Variants in MAP3K20 observed in about 807,000 individuals in gnomAD.
The protein encoded by MAP3K20 is mitogen-activated protein kinase kinase kinase 20.
Under a neutral mutation model 85.7 loss-of-function variants are expected in MAP3K20, and 40 were observed. The ratio of observed to expected loss-of-function variants is 0.47; its 90% CI spans 0.36 to 0.61. MAP3K20 has a LOEUF of 0.61. Ranked by LOEUF, MAP3K20 falls within the 20% of genes least tolerant of loss-of-function variation. MAP3K20 has a pLI of 0.00. For synonymous variants in MAP3K20, 325 were observed against 327.7 expected (o/e 0.99, Z 0.09); for missense variants, 817 against 961.7 (o/e 0.85, Z 1.99).
rs11690597 is a variant in MAP3K20, at chr2:173,221,013, A to G, written c.987+3763A>G. ...AATCTGCCATTAAATAAATTCTCACATAATTCCCTACATTCATTTATTTCA... is the reference window on the plus strand; with the variant it reads ...AATCTGCCATTAAATAAATTCTCACGTAATTCCCTACATTCATTTATTTCA... On this transcript the variant is annotated intron_variant, in intron 11 of 19. Transcript: ENST00000375213. The G allele has an allele frequency of 0.2, 132,175 of 660,528 alleles. 13,779 individuals are homozygous for G. The highest frequency in any genetic ancestry group is 0.31 in the South Asian group (4,230 of 13,454). The allele number at this position is 660,528 out of a possible 1,614,324, so 40.9% of individuals were successfully genotyped here.
rs1232885242 is a variant in MAP3K20 at position 173,267,229 on chromosome 2, A to T, written c.*479A>T. 6.6e-6 allele frequency: 1 copy of T among 152,176 alleles called. No individual in the cohort carries two copies. The highest frequency in any genetic ancestry group is 1.9e-4 in the East Asian group (1 of 5,202). 9.4% of individuals were successfully genotyped at this position (152,176 alleles called of 1,614,324 possible). On this transcript the variant is annotated 3_prime_UTR_variant, in exon 20 of 20. Transcript: ENST00000375213. Reference sequence around the variant, plus strand: ...ATATTTTGTTCATCATAATTTTTGCATTTATTTTTTTAAATATTGCATTAA... The same window carrying T: ...ATATTTTGTTCATCATAATTTTTGCTTTTATTTTTTTAAATATTGCATTAA...
chr2:173,146,125 G>T (rs545542342), intron 2 of MAP3K20, among the ~76,000 whole-genome samples: 1 of 151,998 alleles, frequency 6.6e-6, no homozygotes, highest in African/African-American at 2.4e-5. Flanking sequence ...TCATACATAG[G>T]TGCATATATT....
intron 2 of MAP3K20, among the ~76,000 whole-genome samples, chr2:173,118,474 T>G (rs1688186682): frequency 6.6e-6 from 1 of 151,904 alleles, no homozygotes; most frequent in African/African-American, 2.4e-5. Flanking sequence ...TTTGGTTTTT[T>G]GAGGGGGGTG....
At chr2:173,091,826 C>T (rs545711255) in intron 2 of MAP3K20, among the ~76,000 whole-genome samples, 49 of 152,248 alleles carry the variant, frequency 3.2e-4, no homozygotes, top group Non-Finnish European at 5.9e-4. Flanking sequence ...TTAGAACTGT[C>T]ATCCTTCTCA....
rs73021619 is a variant in MAP3K20 at position 173,076,013 on chromosome 2, G to A, written c.-35+11G>A. ...CCGCCCGGGAGCCAGGTAGGGGTCAGGCTGGAGCCCGCGGAGGGCGGGGAG... is the reference window on the plus strand; with the variant it reads ...CCGCCCGGGAGCCAGGTAGGGGTCAAGCTGGAGCCCGCGGAGGGCGGGGAG... On this transcript the variant is annotated intron_variant, in intron 1 of 19. Coordinates refer to ENST00000375213, the MANE Select transcript of MAP3K20 (RefSeq NM_016653.3). 348,571 of 984,144 alleles carry A rather than the reference G, an allele frequency of 0.35. 63,294 individuals carry two copies. Among genetic ancestry groups the A allele is most frequent in the African/African-American group, 0.51 (29,333 of 57,078 alleles). The allele number at this position is 984,144 out of a possible 1,614,324, so 61.0% of individuals were successfully genotyped here.
At chr2:173,192,323 G>A (rs1247848787) in intron 7 of MAP3K20, among the ~76,000 whole-genome samples, 2 of 152,092 alleles carry the variant, frequency 1.3e-5, no homozygotes, top group Admixed American at 1.3e-4. Context: ...GGCTTCACAG[G>A]TTTTGGACTT....
In MAP3K20 at chr2:173,209,964, G is replaced by GT. The variant is rs749786998; in HGVS notation, c.851+137dup. 2.7e-4 allele frequency: 227 copies of GT among 840,722 alleles called. 5 individuals are homozygous for GT. The highest frequency in any genetic ancestry group is 2.2e-3 in the South Asian group (144 of 65,134). The allele number at this position is 840,722 out of a possible 1,614,324, so 52.1% of individuals were successfully genotyped here. A position where few individuals can be genotyped will look rare whatever the true frequency, so the allele number is the denominator to read the frequency against. On this transcript the variant is annotated intron_variant, in intron 10 of 19. Coordinates refer to ENST00000375213, the MANE Select transcript of MAP3K20 (RefSeq NM_016653.3). ...ACCATAGCTTAGGGAAAAAGAAAAGGTTTTTTTTATGATTTTGGAACTCTT... is the reference window on the plus strand; with the variant it reads ...ACCATAGCTTAGGGAAAAAGAAAAGGTTTTTTTTTATGATTTTGGAACTCTT...
intron 1 of MAP3K20, among the ~76,000 whole-genome samples, chr2:173,082,298 A>T (rs1445291840): frequency 2.0e-5 from 3 of 152,166 alleles, no homozygotes; most frequent in Non-Finnish European, 4.4e-5. Flanking sequence ...TGTAACTTTC[A>T]TCCACAGATA....
rs77959302 is a variant in MAP3K20, at chr2:173,129,607, G to C, written c.159+38417G>C. On this transcript the variant is annotated intron_variant, in intron 2 of 19. Coordinates refer to ENST00000375213, the MANE Select transcript of MAP3K20 (RefSeq NM_016653.3). Reference sequence around the variant, plus strand: ...TTGCCAGAGATCATGCAGCAAATAGGAGCAGAGCTGGGATCTGAGTCCTGG... The same window carrying C: ...TTGCCAGAGATCATGCAGCAAATAGCAGCAGAGCTGGGATCTGAGTCCTGG... 5.1e-4 allele frequency among the ~76,000 whole-genome samples: 77 copies of C among 152,314 alleles called. No homozygotes were observed. The East Asian group carries it at 0.014, about 28-fold the overall frequency.
intron 2 of MAP3K20, among the ~76,000 whole-genome samples, chr2:173,094,146 A>G (rs1687388972): frequency 1.3e-5 from 2 of 152,214 alleles, no homozygotes; most frequent in South Asian, 4.1e-4. Context: ...TAATAAAAAA[A>G]AATTTTTTTA....
chr2:173,231,321 G>A (rs1684519192), intron 12 of MAP3K20, among the ~76,000 whole-genome samples: 1 of 152,128 alleles, frequency 6.6e-6, no homozygotes, highest in African/African-American at 2.4e-5. Flanking sequence ...AAGGAAACTT[G>A]GCACCAGTTG....
chr2:173,232,371 A>G lies in MAP3K20; in HGVS notation c.1115A>G (p.Asn372Ser). 6.2e-7 allele frequency: 1 copy of G among 1,614,254 alleles called. No homozygotes were observed. Among genetic ancestry groups the G allele is most frequent in the Non-Finnish European group, 8.5e-7 (1 of 1,180,038 alleles). ...TATGCAAGCTTGTTTAAAGAAAACA[A>G]CATTACAGGGAAGCGGCTGCTGCTG... ...SVYASLFKEN[N>S]ITGKRLLLLE... Residue 372 changes from asparagine (N) to serine (S), a missense_variant, in exon 14 of 20, where the codon AAC (asparagine) becomes AGC (serine). Physicochemically the swap from Asn to Ser is conservative, Grantham distance 46 (BLOSUM62 1). Coordinates refer to ENST00000375213, the MANE Select transcript of MAP3K20 (RefSeq NM_016653.3).
chr2:173,195,929 T>TAA (rs1387893095), intron 7 of MAP3K20, among the ~76,000 whole-genome samples: 1 of 152,214 alleles, frequency 6.6e-6, no homozygotes, highest in Non-Finnish European at 1.5e-5. Context: ...CAGAGAAATA[T>TAA]AACTTAAATT....
Position 173,198,858 on chromosome 2 carries a change from G to C in MAP3K20, c.669+746G>C, listed in dbSNP as rs965292347. ...GAGAACATGGTACATTCATATCAAAGAGAGCAACTACATTTTGAAAGGTTT... is the reference window on the plus strand; with the variant it reads ...GAGAACATGGTACATTCATATCAAACAGAGCAACTACATTTTGAAAGGTTT... On this transcript the variant is annotated intron_variant, in intron 8 of 19. Transcript: ENST00000375213. This position sits in a 1 kb window ranked among gnomAD's most constrained non-coding sequence, Gnocchi z 5.8. 1 of 152,598 alleles carries C rather than the reference G, an allele frequency of 6.6e-6. No individual in the cohort carries two copies. The highest frequency in any genetic ancestry group is 1.5e-5 in the Non-Finnish European group (1 of 68,050). The allele number at this position is 152,598 out of a possible 1,614,324, so 9.5% of individuals were successfully genotyped here. A position where few individuals can be genotyped will look rare whatever the true frequency, so the allele number is the denominator to read the frequency against.
intron 2 of MAP3K20, among the ~76,000 whole-genome samples, chr2:173,139,377 G>A (rs1049218578): frequency 2.6e-5 from 4 of 152,082 alleles, no homozygotes; most frequent in Non-Finnish European, 4.4e-5. Flanking sequence ...TAGCCTCCTG[G>A]GCCAGTCCCT....
chr2:173,227,103 T>G, intron 11 of MAP3K20: 1 of 985,898 alleles, frequency 1.0e-6, no homozygotes, highest in Non-Finnish European at 1.2e-6. Context: ...TTTGCTTTCC[T>G]TTGTTCTAAG....
rs975913972 is a variant in MAP3K20, at chr2:173,217,063, G to A, written c.852-52G>A. ...TAGCATTCTGATGGACCCACTAAGC[G>A]CTTGATGTCTCTTAAGTAAAGTTGA... On this transcript the variant is annotated intron_variant, in intron 10 of 19. Coordinates refer to ENST00000375213, the MANE Select transcript of MAP3K20 (RefSeq NM_016653.3). 6.9e-5 allele frequency: 95 copies of A among 1,380,224 alleles called. 1 individual carries two copies. In the East Asian group the frequency reaches 2.2e-3, roughly 33 times the overall value. The allele number at this position is 1,380,224 out of a possible 1,614,324, so 85.5% of individuals were successfully genotyped here. A position where few individuals can be genotyped will look rare whatever the true frequency, so the allele number is the denominator to read the frequency against.
intron 2 of MAP3K20, 119 bp from the exon 3 acceptor site, chr2:173,169,686 C>G (rs1416928080): frequency 1.1e-5 from 10 of 943,452 alleles, no homozygotes; most frequent in South Asian, 1.6e-5. Flanking sequence ...CACCACTGTA[C>G]TCTAGCCTGG....
intron 7 of MAP3K20, among the ~76,000 whole-genome samples, chr2:173,194,099 C>G (rs1272497972): frequency 6.6e-6 from 1 of 152,130 alleles, no homozygotes. Context: ...GTGAGTGAGT[C>G]TATTTTAAAA....
Sources: allele counts gnomAD v4.1 joint callset (sites outside exome capture counted in the v4.1 genomes callset), GRCh38; gene constraint gnomAD v4.1.1; non-coding constraint Gnocchi (gnomAD v3.1); transcripts MANE v1.5; gene names NCBI Gene and HGNC (gene_info 2026-07-23, HGNC 2026-07-21).